Variants in DYNC2H1 observed in about 807,000 individuals in gnomAD.
The protein encoded by DYNC2H1 is cytoplasmic dynein 2 heavy chain 1.
DYNC2H1 carries 410 observed loss-of-function variants against 570.0 expected under a neutral mutation model. That is an observed-to-expected ratio of 0.72 (90% confidence interval 0.66 to 0.78). The LOEUF is 0.78. DYNC2H1 is among the 30% of genes least tolerant of loss of function. The pLI, the probability that DYNC2H1 is intolerant of heterozygous loss-of-function variation, is 0.00. For missense variants in DYNC2H1, 4,865 were observed against 5,046.4 expected (o/e 0.96, Z 1.09); for synonymous variants, 1,688 against 1,677.6 (o/e 1.01, Z -0.15).
At chr11:103,142,623 C>T (rs754619932) in intron 17 of DYNC2H1, among the ~76,000 whole-genome samples, 14 of 152,058 alleles carry the variant, frequency 9.2e-5, no homozygotes, top group South Asian at 2.1e-4. Context: ...GAGCTTAGAT[C>T]GCACCACTGT....
At chr11:103,309,351 C>A (rs1441574444) in intron 78 of DYNC2H1, among the ~76,000 whole-genome samples, 2 of 141,384 alleles carry the variant, frequency 1.4e-5, no homozygotes, top group South Asian at 2.2e-4. Context: ...TTTTTTATTT[C>A]TTTTCTTTTT....
intron 20 of DYNC2H1, 111 bp downstream of exon 20, chr11:103,148,728 G>T (rs1383405312): frequency 7.6e-6 from 10 of 1,308,516 alleles, no homozygotes; most frequent in East Asian, 5.3e-5. Context: ...ACATTATAAG[G>T]AGGTCCACAA....
At chr11:103,121,672 C>A (rs889731246) in intron 10 of DYNC2H1, among the ~76,000 whole-genome samples, 176 bp downstream of exon 10, 1 of 152,160 alleles carries the variant, frequency 6.6e-6, no homozygotes, top group African/African-American at 2.4e-5. Flanking sequence ...CGTAATGGTT[C>A]TATTCCTTCT....
chr11:103,458,660 C>G (rs1944882545), intron 87 of DYNC2H1, among the ~76,000 whole-genome samples: 1 of 115,974 alleles, frequency 8.6e-6, no homozygotes, highest in Non-Finnish European at 1.7e-5. Context: ...TTTTTCTTAG[C>G]TCTTTTTCCT....
intron 83 of DYNC2H1, among the ~76,000 whole-genome samples, chr11:103,372,549 A>C (rs532820436): frequency 6.6e-6 from 1 of 152,198 alleles, no homozygotes; most frequent in East Asian, 1.9e-4. Flanking sequence ...TATATGTTGA[A>C]CCATCCTTGC....
rs771894426 is a variant in DYNC2H1, at chr11:103,395,121, G to A, written c.12157-4542G>A. 4.6e-5 allele frequency among the ~76,000 whole-genome samples: 7 copies of A among 152,200 alleles called. No homozygotes were observed. Among genetic ancestry groups the A allele is most frequent in the African/African-American group, 9.6e-5 (4 of 41,524 alleles). On this transcript the variant is annotated intron_variant, in intron 83 of 88. Coordinates refer to ENST00000375735, the MANE Select transcript of DYNC2H1 (RefSeq NM_001377.3). This position sits in a 1 kb window ranked among gnomAD's most constrained non-coding sequence, Gnocchi z 4.3. ...ATGTAATATTTTGACCTTTCTGATC[G>A]TAGATGCTTGGGAAAGTTGTCTGTT...
rs35586253 is a variant in DYNC2H1 at position 103,126,636 on chromosome 11, A to AT, written c.1857+1359dup. Among the ~76,000 whole-genome samples the AT allele has an allele frequency of 4.3e-3, 484 of 112,808 alleles. 2 individuals carry two copies. Among genetic ancestry groups the AT allele is most frequent in the Non-Finnish European group, 7.0e-3 (370 of 52,760 alleles). The allele number at this position is 112,808 out of a possible 152,430, so 74.0% of individuals were successfully genotyped here. A position where few individuals can be genotyped will look rare whatever the true frequency, so the allele number is the denominator to read the frequency against. ...AAGTTTCTCTGACTCTAGAACTCAT[A>AT]TTTTTTTTTTTTTTTTTTGAGACGG... On this transcript the variant is annotated intron_variant, in intron 12 of 88. Transcript: ENST00000375735.
Position 103,109,480 on chromosome 11 carries a change from G to C in DYNC2H1, c.-95G>C. 1 of 1,269,498 alleles carries C rather than the reference G, an allele frequency of 7.9e-7. No homozygotes were observed. Among genetic ancestry groups the C allele is most frequent in the Non-Finnish European group, 1.1e-6 (1 of 919,436 alleles). The allele number at this position is 1,269,498 out of a possible 1,614,324, so 78.6% of individuals were successfully genotyped here. On this transcript the variant is annotated 5_prime_UTR_variant, in exon 1 of 89. Transcript: ENST00000375735. ...TCTGCGGTCCCGCGGTCGGGCTACG[G>C]GTTTGAGCAAAGCTCCTCTCTTCCC... is the stretch of plus-strand genomic sequence containing the variant.
intron 75 of DYNC2H1, among the ~76,000 whole-genome samples, chr11:103,288,331 A>T (rs117695092): frequency 3.0e-4 from 45 of 152,232 alleles, no homozygotes; most frequent in Non-Finnish European, 5.6e-4. Flanking sequence ...GGTAATTATG[A>T]CAGTGAAAGA....
rs1490137549 is a variant in DYNC2H1, at chr11:103,241,038, T to C, written c.9820-2655T>C. Among the ~76,000 whole-genome samples, 1 of 152,218 alleles carries C rather than the reference T, an allele frequency of 6.6e-6. No homozygotes were observed. The highest frequency in any genetic ancestry group is 2.4e-5 in the African/African-American group (1 of 41,466). On this transcript the variant is annotated intron_variant, in intron 63 of 88. Transcript: ENST00000375735. The surrounding 1 kb of genome is among the most constrained non-coding windows in gnomAD (Gnocchi z 5.1). ...CTGTTGTTTTTGCCTGAAATGTTTTTCTTTCTTCACTTCTTTGCCTAGCTG... is the reference window on the plus strand; with the variant it reads ...CTGTTGTTTTTGCCTGAAATGTTTTCCTTTCTTCACTTCTTTGCCTAGCTG...
intron 83 of DYNC2H1, among the ~76,000 whole-genome samples, chr11:103,362,799 GTGGGAGGATCCCC>G (rs1052467659): frequency 1.3e-5 from 2 of 152,196 alleles, no homozygotes; most frequent in African/African-American, 4.8e-5. Flanking sequence ...GGAGGCCGAA[GTGGGAGGATCCCC>G]TGAGGTCAGG....
Position 103,120,978 on chromosome 11 carries a change from C to G in DYNC2H1, c.1302C>G (p.Ser434Arg). 1.9e-6 allele frequency: 3 copies of G among 1,585,096 alleles called. No individual in the cohort carries two copies. Among genetic ancestry groups the G allele is most frequent in the Non-Finnish European group, 2.6e-6 (3 of 1,166,976 alleles). Residue 434 changes from serine to arginine, a missense_variant, in exon 9 of 89, where the codon AGC becomes AGG. By Grantham distance (110) the Ser-to-Arg change is moderately radical (BLOSUM62 -1). Coordinates refer to ENST00000375735, the MANE Select transcript of DYNC2H1 (RefSeq NM_001377.3). ...YKELVKRPTI[S>R]KELMLERETL... ...AGTTGGTAAAGCGTCCAACTATAAG[C>G]AAAGAATTGATGTTAGAAAGAGAAA...
intron 83 of DYNC2H1, among the ~76,000 whole-genome samples, chr11:103,371,512 A>T (rs1941145081): frequency 6.6e-6 from 1 of 152,318 alleles, no homozygotes; most frequent in East Asian, 1.9e-4. Context: ...CTTACTAATC[A>T]GACTCCCAAA....
rs1555111382 is a variant in DYNC2H1, at chr11:103,363,049, A to AATAAATAAT, written c.12156+4694_12156+4695insATAATATAA. Among the ~76,000 whole-genome samples, 556 of 151,740 alleles carry AATAAATAAT rather than the reference A, an allele frequency of 3.7e-3. 5 individuals are homozygous for AATAAATAAT. Among genetic ancestry groups the AATAAATAAT allele is most frequent in the African/African-American group, 0.013 (532 of 41,406 alleles). ...CTGTCTCAAAATAAATAAATAAATA[A>AATAAATAAT]ATAATATAATATAATATAACAGGCA... On this transcript the variant is annotated intron_variant, in intron 83 of 88. Coordinates refer to ENST00000375735, the MANE Select transcript of DYNC2H1 (RefSeq NM_001377.3). The surrounding 1 kb of genome is among the most constrained non-coding windows in gnomAD (Gnocchi z 5.6).
At chr11:103,166,175 T>C (rs2134945672) in intron 31 of DYNC2H1, 127 bp downstream of exon 31, 2 of 662,964 alleles carry the variant, frequency 3.0e-6, no homozygotes, top group Non-Finnish European at 4.5e-6. Context: ...ACAACATATA[T>C]ACTTAAATTT....
rs200222210 is a variant in DYNC2H1, at chr11:103,152,163, G to A, written c.2974G>A (p.Asp992Asn). 7.7e-5 allele frequency: 123 copies of A among 1,602,158 alleles called. No individual in the cohort carries two copies. The highest frequency in any genetic ancestry group is 6.8e-4 in the Middle Eastern group (4 of 5,864). Residue 992 changes from aspartate (D) to asparagine (N), a missense_variant, in exon 21 of 89, where the codon GAC becomes AAC. Physicochemically the swap from Asp to Asn is conservative, Grantham distance 23. Coordinates refer to ENST00000375735, the MANE Select transcript of DYNC2H1 (RefSeq NM_001377.3). ...EILPLFQEAE[D>N]KNRLLRTVAG... ...TTTGCCCTTATTTCAAGAAGCTGAAGACAAAAACAGACTTTTACGAACTGT... is the reference window on the plus strand; with the variant it reads ...TTTGCCCTTATTTCAAGAAGCTGAAAACAAAAACAGACTTTTACGAACTGT...
rs1236971109 is a variant in DYNC2H1 at position 103,236,514 on chromosome 11, T to C, written c.9794T>C (p.Ile3265Thr). The change falls in exon 63 of 89, where the codon ATA (isoleucine) becomes ACA (threonine). Residue 3265 changes from isoleucine (I) to threonine (T), a missense_variant. Physicochemically the swap from Ile to Thr is moderately conservative, Grantham distance 89 (BLOSUM62 -1). Coordinates refer to ENST00000375735, the MANE Select transcript of DYNC2H1 (RefSeq NM_001377.3). ...GGCCTACCATCAGATGACCTTTCCA[T>C]AGAAAATGCTCTTGTAATATTACAG... ...SEGLPSDDLS[I>T]ENALVILQSR... The C allele has an allele frequency of 4.4e-6, 7 of 1,599,294 alleles. No individual in the cohort carries two copies. The African/African-American group carries it at 9.4e-5, about 21-fold the overall frequency.
At chr11:103,124,945 T>TG (rs1858911102) in intron 11 of DYNC2H1, among the ~76,000 whole-genome samples, 155 bp from the exon 12 acceptor site, 1 of 152,090 alleles carries the variant, frequency 6.6e-6, no homozygotes, top group South Asian at 2.1e-4. Flanking sequence ...AAATAATATA[T>TG]GGAAAAAACC....
chr11:103,257,764 A>G lies in DYNC2H1; in HGVS notation c.10605+13A>G. The G allele has an allele frequency of 6.4e-7, 1 of 1,568,936 alleles. No homozygotes were observed. The highest frequency in any genetic ancestry group is 8.6e-7 in the Non-Finnish European group (1 of 1,156,496). On this transcript the variant is annotated intron_variant, in intron 69 of 88. Transcript: ENST00000375735. ...ACAAAACAAACAGGTAAGCTGTTGG[A>G]TACCCTGTACCAGAGACTGAATTAC...
Sources: allele counts gnomAD v4.1 joint callset (sites outside exome capture counted in the v4.1 genomes callset), GRCh38; gene constraint gnomAD v4.1.1; non-coding constraint Gnocchi (gnomAD v3.1); transcripts MANE v1.5; gene names NCBI Gene and HGNC (gene_info 2026-07-23, HGNC 2026-07-21).